The following CNTNAP5 variants were observed in gnomAD, a reference collection of about 807,000 sequenced individuals.
CNTNAP5 encodes the protein contactin associated protein family member 5, also known as contactin-associated protein-like 5.
CNTNAP5 carries 72 observed loss-of-function variants against 150.2 expected under a neutral mutation model. The observed-to-expected ratio is 0.48, with a 90% CI of 0.40 to 0.58. The LOEUF is 0.58. Ranked by LOEUF, CNTNAP5 falls within the 20% of genes least tolerant of loss-of-function variation. The probability of loss-of-function intolerance (pLI) is 0.00; values close to 1 mark genes in which losing one functional copy is unlikely to be tolerated. For missense variants in CNTNAP5, 1,636 were observed against 1,626.2 expected, an observed-to-expected ratio of 1.01 and a Z score of -0.10; for synonymous variants, 672 against 619.8, an observed-to-expected ratio of 1.08 and a Z score of -1.25.
intron 11 of CNTNAP5, among the ~76,000 whole-genome samples, chr2:124,609,292 A>G (rs1004110740): frequency 6.6e-6 from 1 of 152,236 alleles, no homozygotes; most frequent in Non-Finnish European, 1.5e-5. Context: ...ATGAATTTAA[A>G]TAAATGGAAA....
intron 3 of CNTNAP5, among the ~76,000 whole-genome samples, chr2:124,355,394 T>C (rs1689970489): frequency 6.6e-6 from 1 of 152,140 alleles, no homozygotes; most frequent in Admixed American, 6.6e-5. Context: ...CCCTAAACTT[T>C]CACAAGGGTT....
chr2:124,882,980 C>A (rs1677997392), intron 21 of CNTNAP5, among the ~76,000 whole-genome samples: 1 of 151,794 alleles, frequency 6.6e-6, no homozygotes, highest in Admixed American at 6.6e-5. Context: ...CTCTCCCTCC[C>A]AAAATACATG....
At chr2:124,362,913 A>T (rs1445482569) in intron 3 of CNTNAP5, among the ~76,000 whole-genome samples, 1 of 152,184 alleles carries the variant, frequency 6.6e-6, no homozygotes, top group African/African-American at 2.4e-5. Context: ...TTACTGCTCA[A>T]TAAATATGCA....
At chr2:124,738,539 G>A (rs568048292) in intron 13 of CNTNAP5, among the ~76,000 whole-genome samples, 65 of 152,000 alleles carry the variant, frequency 4.3e-4, no homozygotes, top group Non-Finnish European at 7.7e-4. Flanking sequence ...TCAAGACCAG[G>A]CTGGCCAACA....
chr2:124,115,636 C>T (rs930844805), intron 1 of CNTNAP5, among the ~76,000 whole-genome samples: 4 of 147,212 alleles, frequency 2.7e-5, no homozygotes, highest in Admixed American at 1.4e-4. Flanking sequence ...TTATTGCTTT[C>T]CGTATAATAG....
chr2:124,872,232 C>T (rs1573677661), intron 21 of CNTNAP5, among the ~76,000 whole-genome samples: 1 of 151,538 alleles, frequency 6.6e-6, no homozygotes, highest in African/African-American at 2.4e-5. Context: ...TGTTTGTTTC[C>T]ATCTTTTTAT....
rs115926999 is a variant in CNTNAP5 at position 124,850,628 on chromosome 2, A to G, written c.3218-14678A>G. ...CAAAACAGATGGTAAATGGAACCACAGCACTGGATGAGATTGTGAAAGCAG... is the reference window on the plus strand; with the variant it reads ...CAAAACAGATGGTAAATGGAACCACGGCACTGGATGAGATTGTGAAAGCAG... On this transcript the variant is annotated intron_variant, in intron 19 of 23. Transcript: ENST00000682447. Among the ~76,000 whole-genome samples, 637 of 152,346 alleles carry G rather than the reference A, an allele frequency of 4.2e-3. 7 individuals carry two copies. The highest frequency in any genetic ancestry group is 0.014 in the African/African-American group (600 of 41,582).
chr2:124,130,904 C>T (rs1683828578), intron 1 of CNTNAP5, among the ~76,000 whole-genome samples: 1 of 152,040 alleles, frequency 6.6e-6, no homozygotes, highest in Non-Finnish European at 1.5e-5. Flanking sequence ...TATTTGTATG[C>T]TTTTCCTCTC....
chr2:124,181,459 T>C (rs984917140), intron 1 of CNTNAP5, among the ~76,000 whole-genome samples: 1 of 152,004 alleles, frequency 6.6e-6, no homozygotes, highest in Non-Finnish European at 1.5e-5. Flanking sequence ...GTTTTCCTTT[T>C]TTTTTTACAT....
chr2:124,488,015 T>C (rs114476148), intron 7 of CNTNAP5, among the ~76,000 whole-genome samples: 2,612 of 152,260 alleles, frequency 0.017, 28 homozygotes, highest in Non-Finnish European at 0.029. Flanking sequence ...TTCTCAACAA[T>C]GTAACTCAAC....
At chr2:124,032,037 G>A (rs1313102673) in intron 1 of CNTNAP5, among the ~76,000 whole-genome samples, 1 of 152,068 alleles carries the variant, frequency 6.6e-6, no homozygotes, top group Non-Finnish European at 1.5e-5. Flanking sequence ...TATGAATCTG[G>A]AGAAATAATA....
chr2:124,767,437 C>G (rs973115820), intron 16 of CNTNAP5, among the ~76,000 whole-genome samples: 1 of 152,182 alleles, frequency 6.6e-6, no homozygotes, highest in East Asian at 1.9e-4. Context: ...TGATACCTAT[C>G]TCACAATGGC....
chr2:124,582,108 T>C (rs1466237430), intron 11 of CNTNAP5, among the ~76,000 whole-genome samples: 2 of 152,320 alleles, frequency 1.3e-5, no homozygotes, highest in South Asian at 2.1e-4. Context: ...GAAGTTGCTG[T>C]GTAAATCTGG....
intron 19 of CNTNAP5, among the ~76,000 whole-genome samples, chr2:124,863,494 G>T (rs1010007534): frequency 4.6e-5 from 7 of 152,196 alleles, no homozygotes; most frequent in Admixed American, 6.5e-5. Flanking sequence ...CACAGAAAGA[G>T]AATGAACCAG....
At chr2:124,529,361 G>T (rs1695053893) in intron 10 of CNTNAP5, among the ~76,000 whole-genome samples, 1 of 152,118 alleles carries the variant, frequency 6.6e-6, no homozygotes, top group African/African-American at 2.4e-5. Context: ...TCATTGCCAT[G>T]TACTCTGCAT....
In CNTNAP5 at chr2:124,869,750, G is replaced by A; in HGVS notation, c.3424G>A (p.Gly1142Ser). ...CAGGGTTATAAGGTCACTCACCTTG[G>A]GCAAAGTCACAGGTATGTTGTTCTA... ...EFRVIRSLTLGKVTENLGLDS... is the reference protein window; with the variant it reads ...EFRVIRSLTLSKVTENLGLDS... The change falls in exon 21 of 24, where the codon GGC becomes AGC. Residue 1142 changes from glycine (G) to serine (S), a missense_variant. Coordinates refer to ENST00000682447, the MANE Select transcript of CNTNAP5 (RefSeq NM_001367498.1). 1 of 1,605,196 alleles carries A rather than the reference G, an allele frequency of 6.2e-7. No homozygotes were observed. The highest frequency in any genetic ancestry group is 8.5e-7 in the Non-Finnish European group (1 of 1,172,668).
chr2:124,448,537 TACTTATACC>T (rs564318593), intron 6 of CNTNAP5, among the ~76,000 whole-genome samples: 216 of 152,228 alleles, frequency 1.4e-3, no homozygotes, highest in African/African-American at 5.1e-3. Flanking sequence ...ATAGTGGAAA[TACTTATACC>T]ACAGAGGTTG....
chr2:124,379,206 A>G (rs997756350), intron 3 of CNTNAP5, among the ~76,000 whole-genome samples: 1 of 151,722 alleles, frequency 6.6e-6, no homozygotes, highest in Non-Finnish European at 1.5e-5. Flanking sequence ...CACAGTTTAT[A>G]TAAGGGTGTA....
intron 1 of CNTNAP5, among the ~76,000 whole-genome samples, chr2:124,118,598 T>C (rs1016680274): frequency 1.3e-5 from 2 of 152,234 alleles, no homozygotes; most frequent in Admixed American, 1.3e-4. Flanking sequence ...ATAAGGGTAG[T>C]GGAAGGTCAA....
Sources: allele counts gnomAD v4.1 joint callset (sites outside exome capture counted in the v4.1 genomes callset), GRCh38; gene constraint gnomAD v4.1.1; transcripts MANE v1.5; gene names NCBI Gene and HGNC (gene_info 2026-07-23, HGNC 2026-07-21).